SYT9: variants seen among roughly 807,000 people sequenced by gnomAD.
The protein encoded by SYT9 is synaptotagmin-9.
In SYT9, 22 loss-of-function variants were observed where a neutral mutation model predicts 48.4. The ratio of observed to expected loss-of-function variants is 0.45; its 90% CI spans 0.32 to 0.65. The LOEUF is 0.65. SYT9 is among the 30% of genes least tolerant of loss of function. SYT9 has a pLI of 0.03. For synonymous variants in SYT9, 265 were observed against 245.0 expected, an observed-to-expected ratio of 1.08 and a Z score of -0.76; for missense variants, 577 against 622.0, an observed-to-expected ratio of 0.93 and a Z score of 0.77.
intron 3 of SYT9, 183 bp downstream of exon 3, chr11:7,314,124 T>G: frequency 2.7e-6 from 2 of 741,326 alleles, no homozygotes; most frequent in South Asian, 1.5e-5. Context: ...TTTTGAAGTT[T>G]CCAAGCATTA....
At chr11:7,262,422 G>A (rs1003562245) in intron 1 of SYT9, among the ~76,000 whole-genome samples, 9 of 152,130 alleles carry the variant, frequency 5.9e-5, no homozygotes, top group African/African-American at 2.2e-4. Context: ...CAGCATGTAT[G>A]TGATATGGGT....
At chr11:7,408,091 C>T (rs1324284112) in intron 3 of SYT9, among the ~76,000 whole-genome samples, 1 of 152,062 alleles carries the variant, frequency 6.6e-6, no homozygotes, top group Admixed American at 6.6e-5. Context: ...ATAGAGATTG[C>T]ATTAAGTCTA....
At chr11:7,422,255 G>T (rs1847370355) in intron 6 of SYT9, among the ~76,000 whole-genome samples, 1 of 152,216 alleles carries the variant, frequency 6.6e-6, no homozygotes, top group African/African-American at 2.4e-5. Flanking sequence ...TGGAAGTGGG[G>T]CAGGAAGGAG....
intron 3 of SYT9, among the ~76,000 whole-genome samples, chr11:7,362,701 T>TCG (rs200472353): frequency 6.7e-6 from 1 of 150,016 alleles, no homozygotes; most frequent in South Asian, 2.1e-4. Flanking sequence ...TTAGTACTTA[T>TCG]CGCATATATA....
chr11:7,312,600 G>A (rs994915555), intron 2 of SYT9, among the ~76,000 whole-genome samples: 1 of 152,214 alleles, frequency 6.6e-6, no homozygotes, highest in Admixed American at 6.5e-5. Context: ...CTTACAGGGT[G>A]AAGAAGACTA....
chr11:7,374,084 C>G (rs925537180), intron 3 of SYT9, among the ~76,000 whole-genome samples: 9 of 151,968 alleles, frequency 5.9e-5, no homozygotes, highest in African/African-American at 1.9e-4. Context: ...CTCCACACCC[C>G]CAACAGGCCC....
intron 3 of SYT9, among the ~76,000 whole-genome samples, chr11:7,319,196 T>TC (rs1419295823): frequency 4.1e-4 from 2 of 4,912 alleles, no homozygotes; most frequent in Non-Finnish European, 6.9e-4. Context: ...CTTTTTCTTT[T>TC]TTTTTTTTTT....
intron 6 of SYT9, among the ~76,000 whole-genome samples, chr11:7,452,123 A>ACACT (rs1483841811): frequency 1.3e-5 from 2 of 150,946 alleles, no homozygotes; most frequent in African/African-American, 4.9e-5. Context: ...TTTAAAACAC[A>ACACT]CACACACACA....
At chr11:7,442,863 G>T (rs1441708766) in intron 6 of SYT9, among the ~76,000 whole-genome samples, 1 of 149,482 alleles carries the variant, frequency 6.7e-6, no homozygotes, top group Non-Finnish European at 1.5e-5. Context: ...CAAAAAAAAA[G>T]TATTTAGGGG....
upstream of SYT9, among the ~76,000 whole-genome samples, chr11:7,248,505 A>C (rs529995280): frequency 6.6e-6 from 1 of 152,156 alleles, no homozygotes; most frequent in African/African-American, 2.4e-5. Flanking sequence ...TGATTTTTGT[A>C]TAAGGTGAGA....
intron 3 of SYT9, among the ~76,000 whole-genome samples, chr11:7,411,584 CT>C (rs1847137163): frequency 6.6e-6 from 1 of 152,112 alleles, no homozygotes; most frequent in Non-Finnish European, 1.5e-5. Context: ...GAAATACTTT[CT>C]TAGCCTGATG....
intron 3 of SYT9, among the ~76,000 whole-genome samples, chr11:7,319,138 G>C (rs887243633): frequency 1.3e-5 from 2 of 149,062 alleles, no homozygotes; most frequent in Non-Finnish European, 3.0e-5. Context: ...AGGAGAGTGG[G>C]GTCAGGATAT....
At chr11:7,364,347 G>A (rs1392322790) in intron 3 of SYT9, among the ~76,000 whole-genome samples, 1 of 152,162 alleles carries the variant, frequency 6.6e-6, no homozygotes, top group Non-Finnish European at 1.5e-5. Context: ...ATGAATAAAG[G>A]TCAGAGCTTT....
chr11:7,442,042 A>G (rs1178472605), intron 6 of SYT9, among the ~76,000 whole-genome samples: 1 of 152,118 alleles, frequency 6.6e-6, no homozygotes, highest in African/African-American at 2.4e-5. Flanking sequence ...AAAAAGCTCA[A>G]GCCAGCACAG....
chr11:7,347,800 T>C (rs1849831118), intron 3 of SYT9, among the ~76,000 whole-genome samples: 1 of 152,130 alleles, frequency 6.6e-6, no homozygotes, highest in Admixed American at 6.5e-5. Context: ...GGACAGAGCG[T>C]GAAAGAGTGG....
intron 1 of SYT9, among the ~76,000 whole-genome samples, chr11:7,298,833 G>T (rs74608105): frequency 6.6e-6 from 1 of 152,054 alleles, no homozygotes; most frequent in East Asian, 1.9e-4. Flanking sequence ...ACAAACAGGC[G>T]TGATTACAGG....
intron 3 of SYT9, 57 bp downstream of exon 3, chr11:7,313,998 C>T: frequency 6.5e-7 from 1 of 1,549,528 alleles, no homozygotes; most frequent in Non-Finnish European, 8.7e-7. Context: ...AGCAAGGAAA[C>T]AGATTACTTA....
At chr11:7,393,211 T>C (rs1458035681) in intron 3 of SYT9, among the ~76,000 whole-genome samples, 1 of 152,146 alleles carries the variant, frequency 6.6e-6, no homozygotes, top group African/African-American at 2.4e-5. Flanking sequence ...CTTTTGTTCA[T>C]TCAGTATTAT....
At chr11:7,458,081 G>A (rs919406814) in intron 6 of SYT9, 5 of 152,230 alleles carry the variant, frequency 3.3e-5, no homozygotes, top group African/African-American at 1.2e-4. Flanking sequence ...TATAGGTGCT[G>A]AAGATACATT....
Sources: allele counts gnomAD v4.1 joint callset (sites outside exome capture counted in the v4.1 genomes callset), GRCh38; gene constraint gnomAD v4.1.1; transcripts MANE v1.5; gene names NCBI Gene and HGNC (gene_info 2026-07-23, HGNC 2026-07-21).